AGBL4: variants seen among roughly 807,000 people sequenced by gnomAD.
AGBL4 encodes the protein AGBL carboxypeptidase 4, also known as cytosolic carboxypeptidase 6.
Under a neutral mutation model 66.4 loss-of-function variants are expected in AGBL4, and 58 were observed. That is an observed-to-expected ratio of 0.87 (90% CI 0.71 to 1.09). The LOEUF (loss-of-function observed/expected upper bound fraction) is 1.09, where lower values mean the gene tolerates loss of function less well. AGBL4 is among the 50% of genes least tolerant of loss of function. The pLI is 0.00. For synonymous variants in AGBL4, 234 were observed against 222.9 expected, an observed-to-expected ratio of 1.05 and a Z score of -0.44; for missense variants, 579 against 631.0, an observed-to-expected ratio of 0.92 and a Z score of 0.88.
chr1:48,585,626 A>T (rs989704242), intron 11 of AGBL4: 1 of 152,166 alleles, frequency 6.6e-6, no homozygotes, highest in East Asian at 1.9e-4. Context: ...CTGCAAGATG[A>T]CCCTCAGTCT....
At chr1:49,767,187 G>C (rs1248602905) in intron 2 of AGBL4, among the ~76,000 whole-genome samples, 1 of 151,808 alleles carries the variant, frequency 6.6e-6, no homozygotes, top group Admixed American at 6.6e-5. Context: ...TATACTCTAA[G>C]ATCAACCACA....
intron 3 of AGBL4, among the ~76,000 whole-genome samples, chr1:49,522,257 T>A (rs1320363745): frequency 6.6e-6 from 1 of 152,044 alleles, no homozygotes; most frequent in East Asian, 1.9e-4. Context: ...TTTCGTAAGC[T>A]CTCTGAGCCT....
intron 5 of AGBL4, among the ~76,000 whole-genome samples, chr1:49,005,713 G>A (rs1204465789): frequency 2.0e-5 from 3 of 152,134 alleles, no homozygotes; most frequent in Non-Finnish European, 2.9e-5. Flanking sequence ...TATGGTTTCA[G>A]ACATTCACTG....
intron 4 of AGBL4, among the ~76,000 whole-genome samples, chr1:49,197,466 G>A (rs1421137932): frequency 6.6e-6 from 1 of 152,132 alleles, no homozygotes; most frequent in Non-Finnish European, 1.5e-5. Context: ...TTGTTACAGG[G>A]GTAGCAGTAG....
intron 3 of AGBL4, among the ~76,000 whole-genome samples, chr1:49,331,272 G>C (rs1012033403): frequency 6.6e-6 from 1 of 152,066 alleles, no homozygotes; most frequent in Non-Finnish European, 1.5e-5. Flanking sequence ...AATCCAGCGG[G>C]TCGGGTCGAG....
intron 1 of AGBL4, among the ~76,000 whole-genome samples, chr1:49,975,983 G>A (rs1417475320): frequency 1.3e-5 from 2 of 152,118 alleles, no homozygotes; most frequent in East Asian, 1.9e-4. Flanking sequence ...CGCATTGAAA[G>A]GCAGGGTAAG....
chr1:49,466,188 G>A (rs1477900674), intron 3 of AGBL4, among the ~76,000 whole-genome samples: 3 of 151,882 alleles, frequency 2.0e-5, no homozygotes, highest in Non-Finnish European at 2.9e-5. Flanking sequence ...GCCTTCATTA[G>A]TGTTAATTCA....
intron 6 of AGBL4, among the ~76,000 whole-genome samples, chr1:48,679,051 A>C (rs540771876): frequency 1.4e-4 from 22 of 152,272 alleles, no homozygotes; most frequent in African/African-American, 3.9e-4. Flanking sequence ...TTGACAGTGG[A>C]ATTCTGAGTG....
At chr1:49,578,111 GTTAAGATTGCCACCTGGATACT>G (rs1213112117) in intron 3 of AGBL4, among the ~76,000 whole-genome samples, 8 of 152,192 alleles carry the variant, frequency 5.3e-5, no homozygotes, top group African/African-American at 1.9e-4. Context: ...TAAACTACAA[GTTAAGATTGCCACCTGGATACT>G]TTAGTCTCCT....
intron 3 of AGBL4, among the ~76,000 whole-genome samples, chr1:49,446,852 G>A (rs1358153960): frequency 6.6e-6 from 1 of 152,174 alleles, no homozygotes; most frequent in African/African-American, 2.4e-5. Flanking sequence ...TCTGGTTGGT[G>A]ATGGCAATAG....
intron 6 of AGBL4, among the ~76,000 whole-genome samples, chr1:48,858,086 T>C (rs1272853352): frequency 6.6e-6 from 1 of 152,154 alleles, no homozygotes; most frequent in Non-Finnish European, 1.5e-5. Context: ...ATACATTTGT[T>C]ATCATTAGAC....
chr1:49,057,433 GA>G (rs1644327614), intron 4 of AGBL4, among the ~76,000 whole-genome samples: 2 of 151,324 alleles, frequency 1.3e-5, no homozygotes, highest in South Asian at 2.1e-4. Context: ...AAAAGAAAAA[GA>G]AAAAAAAGCT....
At chr1:49,106,752 A>C (rs1016941612) in intron 4 of AGBL4, among the ~76,000 whole-genome samples, 1 of 152,174 alleles carries the variant, frequency 6.6e-6, no homozygotes. Flanking sequence ...TGAAGGATTT[A>C]CCCAAGGCTT....
At chr1:49,254,614 T>C (rs532917983) in intron 3 of AGBL4, among the ~76,000 whole-genome samples, 1 of 152,264 alleles carries the variant, frequency 6.6e-6, no homozygotes, top group East Asian at 1.9e-4. Flanking sequence ...GATTCAATGC[T>C]ATTCCTATTA....
At chr1:48,942,034 T>A (rs1656020333) in intron 5 of AGBL4, among the ~76,000 whole-genome samples, 1 of 152,234 alleles carries the variant, frequency 6.6e-6, no homozygotes, top group African/African-American at 2.4e-5. Flanking sequence ...TGACTATTTT[T>A]CTTTTGTGAG....
chr1:49,415,502 C>G (rs1294463849), intron 3 of AGBL4, among the ~76,000 whole-genome samples: 1 of 152,008 alleles, frequency 6.6e-6, no homozygotes, highest in Non-Finnish European at 1.5e-5. Context: ...AAGCTTGAAC[C>G]TGCTAATAAC....
intron 5 of AGBL4, among the ~76,000 whole-genome samples, chr1:49,006,239 C>T (rs536802986): frequency 6.6e-6 from 1 of 152,134 alleles, no homozygotes; most frequent in Non-Finnish European, 1.5e-5. Context: ...AGGGAGTTCC[C>T]TTTCCTAGTC....
At chr1:49,305,049 A>T (rs935312365) in intron 3 of AGBL4, among the ~76,000 whole-genome samples, 1 of 152,192 alleles carries the variant, frequency 6.6e-6, no homozygotes, top group Non-Finnish European at 1.5e-5. Context: ...GTCTTTACAG[A>T]ATAGAAAACT....
chr1:49,966,224 G>A (rs1291075336), intron 1 of AGBL4, among the ~76,000 whole-genome samples: 3 of 152,112 alleles, frequency 2.0e-5, no homozygotes, highest in Non-Finnish European at 4.4e-5. Context: ...TTACAGGTGT[G>A]AGCCACCGTG....
Sources: gnomAD v4.1 joint callset for allele counts (sites outside exome capture counted in the v4.1 genomes callset) on GRCh38, gnomAD v4.1.1 for gene constraint, MANE v1.5 for transcripts, NCBI Gene and HGNC (gene_info 2026-07-23, HGNC 2026-07-21) for gene names.